The following C1GALT1 variants were observed in gnomAD, a reference collection of about 807,000 sequenced individuals.
The protein encoded by C1GALT1 is glycoprotein-N-acetylgalactosamine 3-beta-galactosyltransferase 1.
In C1GALT1, 11 loss-of-function variants were observed where a neutral mutation model predicts 31.0. The ratio of observed to expected loss-of-function variants is 0.36; its 90% CI spans 0.22 to 0.59. C1GALT1 has a LOEUF of 0.59. Ranked by LOEUF, C1GALT1 falls within the 20% of genes least tolerant of loss-of-function variation. C1GALT1 has a pLI of 0.79. For synonymous variants in C1GALT1, 175 were observed against 143.6 expected (o/e 1.22, Z -1.56); for missense variants, 424 against 425.2 (o/e 1.00, Z 0.03).
At chr7:7,223,065 G>A (rs1403203246) in intron 1 of C1GALT1, among the ~76,000 whole-genome samples, 1 of 152,012 alleles carries the variant, frequency 6.6e-6, no homozygotes, top group African/African-American at 2.4e-5. Flanking sequence ...TGCCATTTTT[G>A]CCTAACCATA....
At chr7:7,174,103 T>G (rs754244009) in intron 2 of C1GALT1, among the ~76,000 whole-genome samples, 7 of 152,050 alleles carry the variant, frequency 4.6e-5, no homozygotes, top group Non-Finnish European at 1.0e-4. Context: ...TCCTCGTGTA[T>G]GCTGAGAGAC....
At chr7:7,173,533 A>T (rs954579100) in intron 2 of C1GALT1, among the ~76,000 whole-genome samples, 4 of 152,160 alleles carry the variant, frequency 2.6e-5, no homozygotes, top group Non-Finnish European at 4.4e-5. Context: ...ATTGAATAGT[A>T]TTCCATTGTC....
At chr7:7,206,387 ACT>A (rs1398387936) in intron 1 of C1GALT1, among the ~76,000 whole-genome samples, 2 of 151,784 alleles carry the variant, frequency 1.3e-5, no homozygotes, top group East Asian at 1.9e-4. Flanking sequence ...TTGGTAATAA[ACT>A]CTCTCAGCTT....
In C1GALT1 at chr7:7,234,420, A is replaced by T. The variant is rs565313805; in HGVS notation, c.101A>T (p.Lys34Met). 4.6e-5 allele frequency: 75 copies of T among 1,613,834 alleles called. No homozygotes were observed. The South Asian group carries it at 8.1e-4, about 17-fold the overall frequency. The change falls in exon 2 of 4, where the codon AAG becomes ATG. Residue 34 changes from lysine to methionine, a missense_variant. By Grantham distance (95) the Lys-to-Met change is moderately conservative. This residue lies in a region of C1GALT1 where 189 missense variants were observed against 158.2 expected (regional missense o/e 1.19). Transcript: ENST00000436587. ...SQLFSILLGE[K>M]VDTQPNVLHN... ...CTATTTAGTATTTTGTTGGGAGAAA[A>T]GGTTGACACCCAGCCTAATGTTCTT... is the stretch of plus-strand genomic sequence containing the variant.
At chr7:7,196,743 A>G (rs1781304703) in intron 1 of C1GALT1, among the ~76,000 whole-genome samples, 1 of 152,146 alleles carries the variant, frequency 6.6e-6, no homozygotes, top group East Asian at 1.9e-4. Context: ...TTGACTTTTT[A>G]ATGATCGCCA....
At chr7:7,241,599 A>G (rs1583840804) in intron 3 of C1GALT1, among the ~76,000 whole-genome samples, 1 of 152,108 alleles carries the variant, frequency 6.6e-6, no homozygotes, top group Admixed American at 6.5e-5. Flanking sequence ...TTTATAAACT[A>G]TTTCCATAGG....
At position 7,244,283 on chromosome 7, in the gene C1GALT1, C is replaced by A. The variant is rs1216235893; in HGVS notation, c.*556C>A. ...TTATTTATAATTGGTAGTATTTCTTCCAGAAGAAGCTAAAATAAGACTGGC... is the reference window on the plus strand; with the variant it reads ...TTATTTATAATTGGTAGTATTTCTTACAGAAGAAGCTAAAATAAGACTGGC... On this transcript the variant is annotated 3_prime_UTR_variant, in exon 4 of 4. Transcript: ENST00000436587. 6.6e-6 allele frequency: 1 copy of A among 152,158 alleles called. No homozygotes were observed. Among genetic ancestry groups the A allele is most frequent in the African/African-American group, 2.4e-5 (1 of 41,512 alleles). 9.4% of individuals were successfully genotyped at this position (152,158 alleles called of 1,614,324 possible). A position where few individuals can be genotyped will look rare whatever the true frequency, so the allele number is the denominator to read the frequency against.
intron 2 of C1GALT1, among the ~76,000 whole-genome samples, chr7:7,162,402 G>T (rs1182685223): frequency 2.0e-5 from 3 of 150,852 alleles, no homozygotes; most frequent in Admixed American, 2.0e-4. Context: ...TACTGAGAAT[G>T]ATGATTTCCA....
upstream of C1GALT1, among the ~76,000 whole-genome samples, chr7:7,178,537 C>G (rs1174015669): frequency 6.6e-6 from 1 of 152,122 alleles, no homozygotes; most frequent in African/African-American, 2.4e-5. Flanking sequence ...GGGCAGAATT[C>G]AAGTTTCAAG....
At chr7:7,172,841 G>C (rs896279120) in intron 2 of C1GALT1, among the ~76,000 whole-genome samples, 3 of 152,090 alleles carry the variant, frequency 2.0e-5, no homozygotes, top group African/African-American at 7.2e-5. Flanking sequence ...ATTTACATTA[G>C]AGTTCACTCA....
At position 7,207,564 on chromosome 7, in the gene C1GALT1, A is replaced by G. The variant is rs1781805353; in HGVS notation, c.-18+24744A>G. Among the ~76,000 whole-genome samples, 5 of 150,878 alleles carry G rather than the reference A, an allele frequency of 3.3e-5. No homozygotes were observed. In the South Asian group the frequency reaches 1.0e-3, roughly 31 times the overall value. ...CACATTTTCCTTTAGTTCTTTGAGC[A>G]TTTTTCAGAAAGTTGTTTTATAGTC... On this transcript the variant is annotated intron_variant, in intron 1 of 3. Transcript: ENST00000436587.
chr7:7,218,471 G>A (rs757262882), intron 1 of C1GALT1, among the ~76,000 whole-genome samples: 5 of 152,152 alleles, frequency 3.3e-5, no homozygotes, highest in South Asian at 2.1e-4. Flanking sequence ...ACAAATAATG[G>A]AAGGAGAAAA....
At chr7:7,217,752 C>T (rs1485489751) in intron 1 of C1GALT1, among the ~76,000 whole-genome samples, 1 of 152,188 alleles carries the variant, frequency 6.6e-6, no homozygotes, top group East Asian at 1.9e-4. Flanking sequence ...TAGTTCATTG[C>T]AGCCTTGTCC....
At chr7:7,174,846 TC>T (rs1780488429) in intron 2 of C1GALT1, among the ~76,000 whole-genome samples, 1 of 152,182 alleles carries the variant, frequency 6.6e-6, no homozygotes, top group African/African-American at 2.4e-5. Context: ...TACATCATTT[TC>T]CTGGCTTCCT....
rs962345389 is a variant in C1GALT1 at position 7,168,279 on chromosome 7, G to C, written c.-18+10853G>C. On this transcript the variant is annotated intron_variant, in intron 2 of 3. Transcript: ENST00000429911. Reference sequence around the variant, plus strand: ...TGGTCTCCAAAGCAGAGTACGGCTGGAAGGCCAGCCTAGAGCAGGAGGAGA... The same window carrying C: ...TGGTCTCCAAAGCAGAGTACGGCTGCAAGGCCAGCCTAGAGCAGGAGGAGA... 2.6e-5 allele frequency among the ~76,000 whole-genome samples: 4 copies of C among 152,212 alleles called. No individual in the cohort carries two copies. The East Asian group carries it at 7.7e-4, about 29-fold the overall frequency.
Position 7,243,443 on chromosome 7 carries a change from G to C in C1GALT1, c.889-81G>C, listed in dbSNP as rs1252752933. ...TAATGTTTGTATTCTTTTAAAATTAGCTGGTCCTTTATAAGTATGTAAATA... is the reference window on the plus strand; with the variant it reads ...TAATGTTTGTATTCTTTTAAAATTACCTGGTCCTTTATAAGTATGTAAATA... On this transcript the variant is annotated intron_variant, in intron 3 of 3. Coordinates refer to ENST00000436587, the MANE Select transcript of C1GALT1 (RefSeq NM_020156.5). 4 of 1,134,698 alleles carry C rather than the reference G, an allele frequency of 3.5e-6. No homozygotes were observed. In the East Asian group the frequency reaches 9.7e-5, roughly 28 times the overall value. 70.3% of individuals were successfully genotyped at this position (1,134,698 alleles called of 1,614,324 possible).
At chr7:7,181,270 A>AAGGATATTGCGGAAAGGTGGAAGGATATT (rs1562555770), upstream of C1GALT1, among the ~76,000 whole-genome samples, 1 of 152,108 alleles carries the variant, frequency 6.6e-6, no homozygotes, top group Non-Finnish European at 1.5e-5. Flanking sequence ...GGAAAGGTGG[A>AAGGATATTGCGGAAAGGTGGAAGGATATT]GGGGGAGGAG....
chr7:7,213,855 C>G (rs996277367), intron 1 of C1GALT1, among the ~76,000 whole-genome samples: 4 of 152,132 alleles, frequency 2.6e-5, no homozygotes, highest in African/African-American at 9.7e-5. Flanking sequence ...GCGTTTATTT[C>G]AATGCTTAAT....
At chr7:7,206,342 C>T (rs1031464037) in intron 1 of C1GALT1, among the ~76,000 whole-genome samples, 10 of 151,750 alleles carry the variant, frequency 6.6e-5, no homozygotes, top group Admixed American at 3.9e-4. Context: ...TCTTTTGTTT[C>T]GACTGGGAGA....
Sources: gnomAD v4.1 joint callset for allele counts (sites outside exome capture counted in the v4.1 genomes callset) on GRCh38, gnomAD v4.1.1 for gene constraint, gnomAD v4.1.1 regional missense constraint, MANE v1.5 for transcripts, NCBI Gene and HGNC (gene_info 2026-07-23, HGNC 2026-07-21) for gene names.